The following UIMC1 variants were observed in gnomAD, a reference collection of about 807,000 sequenced individuals.
UIMC1 encodes the protein BRCA1-A complex subunit RAP80.
UIMC1 carries 42 observed loss-of-function variants against 84.9 expected under a neutral mutation model. The ratio of observed to expected loss-of-function variants is 0.49; its 90% confidence interval spans 0.39 to 0.64. The LOEUF (loss-of-function observed/expected upper bound fraction) is 0.64. Among genes scored for constraint, UIMC1 ranks in the 30% least tolerant of loss-of-function variants. UIMC1 has a pLI of 0.00. For synonymous variants in UIMC1, 281 were observed against 293.0 expected, an observed-to-expected ratio of 0.96 and a Z score of 0.42; for missense variants, 825 against 847.6, an observed-to-expected ratio of 0.97 and a Z score of 0.33.
chr5:176,956,155 C>G, intron 7 of UIMC1, 120 bp from the exon 8 acceptor site: 1 of 777,626 alleles, frequency 1.3e-6, no homozygotes, highest in South Asian at 1.9e-5. Flanking sequence ...TGCCTAATAC[C>G]ACAAAAGCAC....
intron 1 of UIMC1, among the ~76,000 whole-genome samples, chr5:176,992,362 T>C (rs1772998790): frequency 6.6e-6 from 1 of 151,778 alleles, no homozygotes; most frequent in Non-Finnish European, 1.5e-5. Context: ...TAGTGGCACA[T>C]GCCTGTAATC....
At chr5:177,000,456 ATGT>A (rs1230209607) in intron 1 of UIMC1, among the ~76,000 whole-genome samples, 2 of 147,746 alleles carry the variant, frequency 1.4e-5, no homozygotes, top group African/African-American at 5.0e-5. Flanking sequence ...ATGACCAATA[ATGT>A]TGAACGCCTT....
intron 10 of UIMC1, among the ~76,000 whole-genome samples, chr5:176,917,202 G>A (rs1432006606): frequency 6.6e-6 from 1 of 152,232 alleles, no homozygotes; most frequent in Non-Finnish European, 1.5e-5. Context: ...CACCTGCACA[G>A]AGTGAGGCAG....
At chr5:176,997,536 T>A (rs934781285) in intron 1 of UIMC1, among the ~76,000 whole-genome samples, 4 of 151,860 alleles carry the variant, frequency 2.6e-5, no homozygotes, top group African/African-American at 9.7e-5. Flanking sequence ...TACAAAAAAA[T>A]TAGCCGGGCG....
At chr5:176,987,209 G>A (rs756838945) in intron 1 of UIMC1, among the ~76,000 whole-genome samples, 9 of 152,008 alleles carry the variant, frequency 5.9e-5, no homozygotes, top group Non-Finnish European at 1.2e-4. Context: ...CGACAAGAGC[G>A]AAACTCCATC....
intron 6 of UIMC1, among the ~76,000 whole-genome samples, chr5:176,967,046 T>C (rs1349254677): frequency 6.6e-6 from 1 of 152,234 alleles, no homozygotes. Flanking sequence ...ACTGCATTAC[T>C]GTAGGTATGG....
chr5:176,920,577 C>T (rs900581003), intron 10 of UIMC1, among the ~76,000 whole-genome samples: 2 of 151,882 alleles, frequency 1.3e-5, no homozygotes, highest in African/African-American at 4.8e-5. Flanking sequence ...AATCCACTTT[C>T]AGATTGTTCA....
At chr5:176,943,001 G>A (rs1764627974) in intron 10 of UIMC1, among the ~76,000 whole-genome samples, 1 of 152,018 alleles carries the variant, frequency 6.6e-6, no homozygotes, top group Non-Finnish European at 1.5e-5. Flanking sequence ...GGCGGAGGTT[G>A]CAGAAAGCCA....
intron 1 of UIMC1, among the ~76,000 whole-genome samples, chr5:177,012,156 T>G (rs530779952): frequency 1.1e-4 from 16 of 152,268 alleles, no homozygotes; most frequent in African/African-American, 3.9e-4. Flanking sequence ...CCTGTCCTGG[T>G]TCCTAGCATC....
chr5:176,960,631 CCGTCT>C (rs1286401960), intron 6 of UIMC1, among the ~76,000 whole-genome samples: 1 of 744 alleles, frequency 1.3e-3, no homozygotes, highest in Non-Finnish European at 2.9e-3. Context: ...CCCTCCCCCT[CCGTCT>C]CCGTCTCCGT....
intron 2 of UIMC1, among the ~76,000 whole-genome samples, chr5:176,981,057 T>C (rs943677759): frequency 7.2e-5 from 11 of 152,218 alleles, no homozygotes; most frequent in African/African-American, 2.4e-4. Context: ...CTTGTTTTCT[T>C]CTCTATACGC....
At chr5:176,912,840 G>GTATTTT (rs1235001818) in intron 10 of UIMC1, among the ~76,000 whole-genome samples, 1 of 151,964 alleles carries the variant, frequency 6.6e-6, no homozygotes, top group Non-Finnish European at 1.5e-5. Flanking sequence ...CTAATTTTTT[G>GTATTTT]TATTTTTATT....
At chr5:176,959,648 G>C (rs1351042215) in intron 6 of UIMC1, among the ~76,000 whole-genome samples, 1 of 148,276 alleles carries the variant, frequency 6.7e-6, no homozygotes, top group African/African-American at 2.5e-5. Flanking sequence ...CCCGGGAGGC[G>C]GAGCTTGCAG....
intron 1 of UIMC1, among the ~76,000 whole-genome samples, chr5:176,990,177 T>C (rs1772608746): frequency 6.7e-6 from 1 of 150,294 alleles, no homozygotes; most frequent in African/African-American, 2.4e-5. Context: ...CGAGACTCTG[T>C]TACAAAAAAA....
chr5:176,914,597 G>A (rs1010237567), intron 10 of UIMC1, among the ~76,000 whole-genome samples: 31 of 152,182 alleles, frequency 2.0e-4, no homozygotes, highest in Non-Finnish European at 3.8e-4. Context: ...AGAGATATGC[G>A]TAATAAAACA....
chr5:176,937,722 G>T (rs17078651), intron 10 of UIMC1, among the ~76,000 whole-genome samples: 14,860 of 152,178 alleles, frequency 0.098, 1,516 homozygotes, highest in African/African-American at 0.26. Context: ...TTATGTAAAT[G>T]ATTCTAATTG....
chr5:176,959,223 G>T (rs1472207112), intron 6 of UIMC1, among the ~76,000 whole-genome samples: 1 of 152,178 alleles, frequency 6.6e-6, no homozygotes, highest in South Asian at 2.1e-4. Context: ...GAACTCAGGG[G>T]TGACAAGGTT....
In UIMC1 at chr5:176,911,117, AAAGAAAAGAAAAGAAAAG is replaced by A. The variant is rs1177125078; in HGVS notation, c.1676+176_1676+193del. Among the ~76,000 whole-genome samples, 3 of 19,260 alleles carry A rather than the reference AAAGAAAAGAAAAGAAAAG, an allele frequency of 1.6e-4. No individual in the cohort carries two copies. In the African/African-American group the frequency reaches 1.6e-3, roughly 10 times the overall value. The allele number at this position is 19,260 out of a possible 152,430, so 12.6% of individuals were successfully genotyped here. On this transcript the variant is annotated intron_variant, in intron 11 of 14. Transcript: ENST00000511320. Reference sequence around the variant, plus strand: ...AAAAAAAAAAGAGAGAGAGAGAAGAAAAGAAAAGAAAAGAAAAGAAAAGAAAAGAAAAGAAAAGAAAAG... The same window carrying A: ...AAAAAAAAAAGAGAGAGAGAGAAGAAAAAAGAAAAGAAAAGAAAAGAAAAG...
At chr5:177,012,090 G>A (rs145678282) in intron 1 of UIMC1, among the ~76,000 whole-genome samples, 235 of 152,180 alleles carry the variant, frequency 1.5e-3, no homozygotes, top group African/African-American at 5.5e-3. Flanking sequence ...GTGAGCCACC[G>A]CACCCTGCTA....
Sources: allele counts gnomAD v4.1 joint callset (sites outside exome capture counted in the v4.1 genomes callset), GRCh38; gene constraint gnomAD v4.1.1; transcripts MANE v1.5; gene names NCBI Gene and HGNC (gene_info 2026-07-23, HGNC 2026-07-21).